Variants in TPO observed in about 807,000 individuals in gnomAD.
The protein encoded by TPO is thyroid microsomal antigen.
TPO carries 78 observed loss-of-function variants against 96.9 expected under a neutral mutation model. The observed-to-expected ratio is 0.81, with a 90% CI of 0.67 to 0.97. TPO has a LOEUF of 0.97. TPO is among the 50% of genes least tolerant of loss of function. The pLI is 0.00. For missense variants in TPO, 1,252 were observed against 1,274.8 expected (o/e 0.98, Z 0.27); for synonymous variants, 547 against 538.0 (o/e 1.02, Z -0.23).
rs577829378 is a variant in TPO, at chr2:1,473,628, A to G, written c.820-3458A>G. ...TTGTAAATGAAATTGCATTTAATTTATACATTCATTTAGAGAGAAATGATC... is the reference window on the plus strand; with the variant it reads ...TTGTAAATGAAATTGCATTTAATTTGTACATTCATTTAGAGAGAAATGATC... On this transcript the variant is annotated intron_variant, in intron 7 of 16. Coordinates refer to ENST00000329066, the MANE Select transcript of TPO (RefSeq NM_001206744.2). Among the ~76,000 whole-genome samples, 10 of 152,328 alleles carry G rather than the reference A, an allele frequency of 6.6e-5. No homozygotes were observed. In the East Asian group the frequency reaches 1.7e-3, roughly 26 times the overall value.
In TPO at chr2:1,542,514, C is replaced by T. The variant is rs751705981; in HGVS notation, c.*40C>T. The T allele has an allele frequency of 3.1e-6, 5 of 1,612,888 alleles. No individual in the cohort carries two copies. The Admixed American group carries it at 8.4e-5, about 27-fold the overall frequency. ...GACACTGCAGAACAGCTTCATGTTC[C>T]CAAAATCACCGTACGACTCTTTTCC... On this transcript the variant is annotated 3_prime_UTR_variant, in exon 17 of 17. Coordinates refer to ENST00000329066, the MANE Select transcript of TPO (RefSeq NM_001206744.2).
Position 1,477,487 on chromosome 2 carries a change from C to A in TPO, c.1221C>A (p.His407Gln), listed in dbSNP as rs772786175. The part of the protein sequence containing the change: ...ASEVPSLTAL[H>Q]TLWLREHNRL... ...AGGTCCCCTCCCTGACGGCACTGCA[C>A]ACGCTGTGGCTGCGCGAGCACAACC... Residue 407 changes from histidine (H) to glutamine (Q), a missense_variant, in exon 8 of 17, where the codon CAC (histidine) becomes CAA (glutamine). Physicochemically the swap from His to Gln is conservative, Grantham distance 24. Transcript: ENST00000329066. 2.0e-6 allele frequency: 3 copies of A among 1,530,968 alleles called. No individual in the cohort carries two copies. In the South Asian group the frequency reaches 3.6e-5, roughly 18 times the overall value. 94.8% of individuals were successfully genotyped at this position (1,530,968 alleles called of 1,614,324 possible).
chr2:1,542,169 C>A, intron 16 of TPO: 1 of 591,578 alleles, frequency 1.7e-6, no homozygotes, highest in African/African-American at 1.9e-5. Context: ...ACCCTGCCTG[C>A]GGATTGCAGA....
intron 15 of TPO, among the ~76,000 whole-genome samples, chr2:1,530,673 C>A (rs866724813): frequency 8.4e-6 from 1 of 119,444 alleles, no homozygotes; most frequent in Non-Finnish European, 1.7e-5. Context: ...CTGTGTGCAA[C>A]CTTCTCAAAT....
chr2:1,486,312 G>A lies in TPO; in HGVS notation c.1597+1458G>A, dbSNP rs533123075. Among the ~76,000 whole-genome samples the A allele has an allele frequency of 2.4e-4, 37 of 152,084 alleles. No individual in the cohort carries two copies. The East Asian group carries it at 5.2e-3, about 22-fold the overall frequency. On this transcript the variant is annotated intron_variant, in intron 9 of 16. Transcript: ENST00000329066. The stretch of plus-strand genomic sequence containing the variant: ...TGAGGCAGGCGGATCACTTGAGGTC[G>A]GGAGTTTGAGACCAGCCTGGCCAAC...
Position 1,389,196 on chromosome 2 carries a change from G to A in TPO, n.180+14794G>A, listed in dbSNP as rs569028477. The stretch of plus-strand genomic sequence containing the variant: ...GAGACTGTGCTGGGATGAGGAGACA[G>A]TGGTGCCACAGGGAAGGGTGCTGAG... On this transcript the variant is annotated intron_variant and non_coding_transcript_variant, in intron 1 of 5. Transcript: ENST00000497517. Among the ~76,000 whole-genome samples, 3 of 152,282 alleles carry A rather than the reference G, an allele frequency of 2.0e-5. No individual in the cohort carries two copies. The East Asian group carries it at 5.8e-4, about 30-fold the overall frequency.
rs775766757 is a variant in TPO, at chr2:1,542,627, G to T, written c.*153G>T. 5.2e-6 allele frequency: 8 copies of T among 1,549,868 alleles called. No homozygotes were observed. The highest frequency in any genetic ancestry group is 2.0e-5 in the Admixed American group (1 of 51,020). On this transcript the variant is annotated 3_prime_UTR_variant, in exon 17 of 17. Coordinates refer to ENST00000329066, the MANE Select transcript of TPO (RefSeq NM_001206744.2). ...CATGTCGTAGTTACTCTCAGGCATGGATGAATAAATGTTATAGCTGCATTT... is the reference window on the plus strand; with the variant it reads ...CATGTCGTAGTTACTCTCAGGCATGTATGAATAAATGTTATAGCTGCATTT...
intron 14 of TPO, among the ~76,000 whole-genome samples, chr2:1,510,575 T>C (rs1402294225): frequency 6.6e-6 from 1 of 152,170 alleles, no homozygotes; most frequent in Non-Finnish European, 1.5e-5. Context: ...AGAGATGAAT[T>C]CGTGCCTAAG....
chr2:1,516,457 C>T (rs1020183315), intron 14 of TPO, among the ~76,000 whole-genome samples: 20 of 152,296 alleles, frequency 1.3e-4, no homozygotes, highest in African/African-American at 4.8e-4. Context: ...AACCTCACAG[C>T]GTTATACCGC....
chr2:1,489,979 CA>C (rs950811304), intron 10 of TPO, among the ~76,000 whole-genome samples: 1 of 113,258 alleles, frequency 8.8e-6, no homozygotes, highest in Non-Finnish European at 2.0e-5. Context: ...GGGTCCCACA[CA>C]GGGGGAGTCA....
chr2:1,529,984 G>A (rs1482452348), intron 15 of TPO, among the ~76,000 whole-genome samples: 11 of 103,512 alleles, frequency 1.1e-4, no homozygotes, highest in African/African-American at 3.8e-4. Context: ...ACCCCTCACT[G>A]TGTGCAACCT....
chr2:1,460,798 G>C (rs1242213197), intron 7 of TPO, among the ~76,000 whole-genome samples: 1 of 152,156 alleles, frequency 6.6e-6, no homozygotes, highest in Admixed American at 6.5e-5. Flanking sequence ...GAACTACTCT[G>C]TGTGGAGGTT....
At chr2:1,534,216 A>C in intron 15 of TPO, among the ~76,000 whole-genome samples, 1 of 49,198 alleles carries the variant, frequency 2.0e-5, no homozygotes. Context: ...AATCTCCCCC[A>C]CTGTGTGCAA....
At chr2:1,460,291 G>A (rs192106046) in intron 7 of TPO, among the ~76,000 whole-genome samples, 1 of 152,114 alleles carries the variant, frequency 6.6e-6, no homozygotes, top group South Asian at 2.1e-4. Flanking sequence ...TAACATTAGA[G>A]CTGTTAGATC....
chr2:1,433,784 C>T (rs1488102796), intron 4 of TPO, among the ~76,000 whole-genome samples, 177 bp downstream of exon 4: 1 of 152,198 alleles, frequency 6.6e-6, no homozygotes, highest in East Asian at 1.9e-4. Context: ...CAAACAGTCT[C>T]AATATCTTAT....
chr2:1,510,933 A>C (rs1382123307), intron 14 of TPO, among the ~76,000 whole-genome samples: 1 of 152,228 alleles, frequency 6.6e-6, no homozygotes, highest in Non-Finnish European at 1.5e-5. Context: ...ATAGATTTAG[A>C]TTTCGGTACA....
At chr2:1,488,245 C>A (rs562326354) in intron 10 of TPO, among the ~76,000 whole-genome samples, 1 of 152,098 alleles carries the variant, frequency 6.6e-6, no homozygotes, top group Non-Finnish European at 1.5e-5. Context: ...GAGAAACAGC[C>A]GCTTCTAGTA....
chr2:1,496,682 G>C lies in TPO; in HGVS notation c.2303G>C (p.Cys768Ser). The change falls in exon 13 of 17, where the codon TGC becomes TCC. Residue 768 changes from cysteine to serine, a missense_variant. Coordinates refer to ENST00000329066, the MANE Select transcript of TPO (RefSeq NM_001206744.2). ...ESGRRVLVYS[C>S]RHGYELQGRE... Reference sequence around the variant, plus strand: ...GGGAGGCGCGTGCTGGTGTATTCCTGCCGGCACGGGTATGAGCTCCAAGGC... The same window carrying C: ...GGGAGGCGCGTGCTGGTGTATTCCTCCCGGCACGGGTATGAGCTCCAAGGC... 6.2e-7 allele frequency: 1 copy of C among 1,614,094 alleles called. No individual in the cohort carries two copies. Among genetic ancestry groups the C allele is most frequent in the Non-Finnish European group, 8.5e-7 (1 of 1,180,038 alleles).
intron 3 of TPO, among the ~76,000 whole-genome samples, chr2:1,426,432 A>G (rs965199141): frequency 5.3e-5 from 8 of 151,638 alleles, no homozygotes; most frequent in Admixed American, 2.0e-4. Flanking sequence ...TCAGAAGTCC[A>G]TGCTTCTTCT....
Sources: gnomAD v4.1 joint callset for allele counts (sites outside exome capture counted in the v4.1 genomes callset) on GRCh38, gnomAD v4.1.1 for gene constraint, MANE v1.5 for transcripts, NCBI Gene and HGNC (gene_info 2026-07-23, HGNC 2026-07-21) for gene names.